DSCAML1: variants seen among roughly 807,000 people sequenced by gnomAD.
DSCAML1 encodes cell adhesion molecule DSCAML1.
A neutral mutation model predicts 200.5 loss-of-function variants in DSCAML1; 38 were observed. The observed-to-expected ratio is 0.19, with a 90% CI of 0.15 to 0.25. The LOEUF (loss-of-function observed/expected upper bound fraction) is 0.25, where lower values mean the gene tolerates loss of function less well. Among genes scored for constraint, DSCAML1 ranks in the 10% least tolerant of loss-of-function variants. The pLI, the probability that DSCAML1 is intolerant of heterozygous loss-of-function variation, is 1.00. For synonymous variants in DSCAML1, 1,215 were observed against 1,165.0 expected (o/e 1.04, Z -0.87); for missense variants, 2,223 against 2,858.8 (o/e 0.78, Z 5.07).
chr11:117,763,023 A>G (rs1052144586), intron 3 of DSCAML1, among the ~76,000 whole-genome samples: 9 of 152,184 alleles, frequency 5.9e-5, no homozygotes, highest in Non-Finnish European at 1.2e-4. Context: ...AACTCTGGGT[A>G]TGCCATGTGG....
chr11:117,557,473 G>GCC (rs1313971258), intron 3 of DSCAML1, among the ~76,000 whole-genome samples: 1 of 152,200 alleles, frequency 6.6e-6, no homozygotes, highest in African/African-American at 2.4e-5. Flanking sequence ...TAGAAAGCGA[G>GCC]CCGCAGCTTC....
chr11:117,641,318 C>T (rs1483716527), intron 3 of DSCAML1, among the ~76,000 whole-genome samples: 1 of 152,248 alleles, frequency 6.6e-6, no homozygotes, highest in Non-Finnish European at 1.5e-5. Context: ...GAGGGGGCAA[C>T]CCCAGTCTTA....
chr11:117,613,608 A>G (rs1311150476), intron 3 of DSCAML1, among the ~76,000 whole-genome samples: 4 of 152,214 alleles, frequency 2.6e-5, no homozygotes, highest in African/African-American at 9.7e-5. Flanking sequence ...ATTTCAGAAC[A>G]GGATGCCTAC....
Position 117,475,543 on chromosome 11 carries a change from G to C in DSCAML1, c.2786-3507C>G, listed in dbSNP as rs116749710. On this transcript the variant is annotated intron_variant, in intron 14 of 32. Transcript: ENST00000651296. Reference sequence around the variant, plus strand: ...CTGTTTGGTGGTAACTGCCCAAGGAGATGCTAAGCTCCCTGAAGTCAGGAG... The same window carrying C: ...CTGTTTGGTGGTAACTGCCCAAGGACATGCTAAGCTCCCTGAAGTCAGGAG... Among the ~76,000 whole-genome samples, 493 of 152,326 alleles carry C rather than the reference G, an allele frequency of 3.2e-3. 8 individuals carry two copies. The highest frequency in any genetic ancestry group is 0.011 in the African/African-American group (455 of 41,566).
At chr11:117,618,211 G>T (rs961453850) in intron 3 of DSCAML1, among the ~76,000 whole-genome samples, 1 of 152,168 alleles carries the variant, frequency 6.6e-6, no homozygotes, top group East Asian at 1.9e-4. Context: ...TCATTCAATG[G>T]TTGAATGGCT....
intron 11 of DSCAML1, among the ~76,000 whole-genome samples, chr11:117,484,158 C>A (rs947545994): frequency 1.3e-5 from 2 of 152,126 alleles, no homozygotes; most frequent in African/African-American, 4.8e-5. Context: ...CCTGCTCAGG[C>A]AAAGTTGTTC....
intron 6 of DSCAML1, 55 bp downstream of exon 6, chr11:117,521,075 G>A: frequency 1.9e-6 from 3 of 1,586,726 alleles, no homozygotes; most frequent in South Asian, 1.1e-5. Context: ...CAGAAGGGAG[G>A]GAATGAGCTC....
intron 3 of DSCAML1, among the ~76,000 whole-genome samples, chr11:117,663,378 C>G (rs918585579): frequency 6.6e-6 from 1 of 152,164 alleles, no homozygotes; most frequent in Non-Finnish European, 1.5e-5. Context: ...GCGCCCAGGA[C>G]TCTGAGGCCA....
At chr11:117,632,648 T>C (rs1174736557) in intron 3 of DSCAML1, among the ~76,000 whole-genome samples, 1 of 152,168 alleles carries the variant, frequency 6.6e-6, no homozygotes, top group Non-Finnish European at 1.5e-5. Context: ...GGCCCTGATA[T>C]TTGGTCAGGT....
At chr11:117,487,557 G>A (rs2049100517) in intron 11 of DSCAML1, among the ~76,000 whole-genome samples, 1 of 152,186 alleles carries the variant, frequency 6.6e-6, no homozygotes, top group Admixed American at 6.5e-5. Context: ...TGCTGTGAAG[G>A]GTGGGCGGCC....
intron 3 of DSCAML1, among the ~76,000 whole-genome samples, chr11:117,766,326 C>G (rs1250842103): frequency 1.3e-5 from 2 of 152,256 alleles, no homozygotes; most frequent in South Asian, 4.1e-4. Context: ...ACATTAAATG[C>G]CAGAATTCGG....
chr11:117,539,475 G>T (rs1383018072), intron 3 of DSCAML1, among the ~76,000 whole-genome samples: 4 of 151,886 alleles, frequency 2.6e-5, no homozygotes, highest in African/African-American at 9.7e-5. Flanking sequence ...GGGCCTGGTG[G>T]TGGGTGCCTG....
At chr11:117,614,458 A>G (rs1740208737) in intron 3 of DSCAML1, among the ~76,000 whole-genome samples, 2 of 152,156 alleles carry the variant, frequency 1.3e-5, no homozygotes, top group Non-Finnish European at 2.9e-5. Context: ...TGGTGATTCT[A>G]ACGTAAAGCC....
At chr11:117,453,149 G>A (rs780648231) in intron 19 of DSCAML1, among the ~76,000 whole-genome samples, 4 of 152,120 alleles carry the variant, frequency 2.6e-5, no homozygotes, top group Non-Finnish European at 5.9e-5. Context: ...TGGCCAGGCT[G>A]GTCTCAAACT....
At chr11:117,805,337 C>T (rs1465394837) in intron 1 of DSCAML1, among the ~76,000 whole-genome samples, 1 of 152,120 alleles carries the variant, frequency 6.6e-6, no homozygotes, top group Non-Finnish European at 1.5e-5. Context: ...CCATTTCAGG[C>T]CACAATGACA....
chr11:117,460,998 G>A (rs964293375), intron 18 of DSCAML1, among the ~76,000 whole-genome samples: 6 of 151,690 alleles, frequency 4.0e-5, no homozygotes, highest in East Asian at 1.9e-4. Flanking sequence ...CTCTTTGATC[G>A]CCCCATTTGA....
At chr11:117,696,076 G>C (rs1405656844) in intron 3 of DSCAML1, among the ~76,000 whole-genome samples, 1 of 152,176 alleles carries the variant, frequency 6.6e-6, no homozygotes, top group African/African-American at 2.4e-5. Flanking sequence ...ATTTAAACAC[G>C]GTGAAAGCTG....
chr11:117,794,674 T>C (rs922096914), intron 1 of DSCAML1, among the ~76,000 whole-genome samples: 1 of 151,898 alleles, frequency 6.6e-6, no homozygotes, highest in Non-Finnish European at 1.5e-5. Context: ...CGGGGGTGAC[T>C]GGCAACGGGA....
chr11:117,474,031 G>A (rs979590629), intron 14 of DSCAML1, among the ~76,000 whole-genome samples: 1 of 152,144 alleles, frequency 6.6e-6, no homozygotes, highest in Non-Finnish European at 1.5e-5. Flanking sequence ...ATTCATTTTT[G>A]ATGAGTGCAC....
Sources: allele counts gnomAD v4.1 joint callset (sites outside exome capture counted in the v4.1 genomes callset), GRCh38; gene constraint gnomAD v4.1.1; transcripts MANE v1.5; gene names NCBI Gene and HGNC (gene_info 2026-07-23, HGNC 2026-07-21).